The following PTPRC variants were observed in gnomAD, a reference collection of about 807,000 sequenced individuals.
PTPRC encodes the protein receptor-type tyrosine-protein phosphatase C.
A neutral mutation model predicts 155.9 loss-of-function variants in PTPRC; 44 were observed. That is an observed-to-expected ratio of 0.28 (90% CI 0.22 to 0.36). The LOEUF (loss-of-function observed/expected upper bound fraction) is 0.36. Among genes scored for constraint, PTPRC ranks in the 10% least tolerant of loss-of-function variants. PTPRC has a pLI of 1.00. For missense variants in PTPRC, 1,401 were observed against 1,564.6 expected (o/e 0.90, Z 1.76); for synonymous variants, 525 against 533.1 (o/e 0.98, Z 0.21).
At chr1:198,693,942 A>G (rs563055651) in intron 3 of PTPRC, 1 of 1,475,518 alleles carries the variant, frequency 6.8e-7, no homozygotes, top group South Asian at 1.4e-5. Context: ...GAGGGACAGA[A>G]CTAATAGGTT....
intron 2 of PTPRC, among the ~76,000 whole-genome samples, chr1:198,667,215 T>C (rs2102278485): frequency 6.6e-6 from 1 of 152,348 alleles, no homozygotes; most frequent in South Asian, 2.1e-4. Flanking sequence ...TCTACACTTA[T>C]TGGCCAGAAA....
At chr1:198,752,975 T>A (rs1023707354) in intron 31 of PTPRC, among the ~76,000 whole-genome samples, 1 of 152,046 alleles carries the variant, frequency 6.6e-6, no homozygotes, top group East Asian at 1.9e-4. Flanking sequence ...AGTGCAATAA[T>A]TTTAAGTTGT....
chr1:198,718,433 A>AAAG (rs1653710463), intron 14 of PTPRC, 131 bp downstream of exon 14: 2 of 796,346 alleles, frequency 2.5e-6, no homozygotes, highest in Non-Finnish European at 4.1e-6. Flanking sequence ...AATCACACTT[A>AAAG]AAGAGTCTCA....
At chr1:198,699,519 C>T in intron 4 of PTPRC, 45 bp from the exon 5 acceptor site, 2 of 1,611,636 alleles carry the variant, frequency 1.2e-6, no homozygotes, top group South Asian at 2.2e-5. Context: ...TTATTCATCT[C>T]CAGTGGGGGA....
intron 2 of PTPRC, among the ~76,000 whole-genome samples, chr1:198,672,570 A>G (rs1028944856): frequency 6.6e-6 from 1 of 151,910 alleles, no homozygotes; most frequent in Non-Finnish European, 1.5e-5. Flanking sequence ...CCAGGGTTCA[A>G]GCGACTCTCC....
intron 14 of PTPRC, among the ~76,000 whole-genome samples, chr1:198,722,087 T>C (rs1200421188): frequency 6.6e-6 from 1 of 151,142 alleles, no homozygotes; most frequent in African/African-American, 2.4e-5. Flanking sequence ...AGCCTATTAA[T>C]AGGGAATTTT....
chr1:198,740,115 G>T (rs1421633926), intron 23 of PTPRC, among the ~76,000 whole-genome samples: 3 of 150,998 alleles, frequency 2.0e-5, no homozygotes, highest in Non-Finnish European at 3.0e-5. Context: ...CATTAAAAAA[G>T]AAAAATTTCA....
At position 198,749,476 on chromosome 1, in the gene PTPRC, A is replaced by T. The variant is rs1485162890; in HGVS notation, c.2999A>T (p.Asp1000Val). The change falls in exon 28 of 33, where the codon GAT (aspartate) becomes GTT (valine). Residue 1000 changes from aspartate (D) to valine (V), a missense_variant. Asp to Val is a radical substitution (Grantham distance 152, BLOSUM62 -3). Coordinates refer to ENST00000442510, the MANE Select transcript of PTPRC (RefSeq NM_002838.5). ...GAAATGAGTAAAGAGAGTGAGCATG[A>T]TTCAGATGAATCCTCTGATGATGAC... ...ELEMSKESEH[D>V]SDESSDDDSD... The T allele has an allele frequency of 6.8e-6, 11 of 1,608,716 alleles. No homozygotes were observed. The East Asian group carries it at 1.8e-4, about 26-fold the overall frequency.
In PTPRC at chr1:198,709,799, T is replaced by C; in HGVS notation, c.1146T>C (p.Ser382=). The change falls in exon 11 of 33, where the codon AGT becomes AGC. Residue 382 remains serine, a synonymous_variant. Transcript: ENST00000442510. ...LYNNHKFTNA[S]KIIKTDFGSP... is the part of the protein sequence containing the mutation. The stretch of plus-strand genomic sequence containing the variant: ...ATAACCACAAGTTTACTAACGCAAG[T>C]AAAATTATTAAAACAGATTTTGGGA... 1 of 1,612,594 alleles carries C rather than the reference T, an allele frequency of 6.2e-7. No individual in the cohort carries two copies. The highest frequency in any genetic ancestry group is 1.3e-5 in the African/African-American group (1 of 75,030).
chr1:198,713,521 G>T (rs928170021), intron 12 of PTPRC, among the ~76,000 whole-genome samples: 1 of 152,004 alleles, frequency 6.6e-6, no homozygotes, highest in Non-Finnish European at 1.5e-5. Flanking sequence ...CCATGTAGCC[G>T]CTGGGGCCAG....
intron 2 of PTPRC, among the ~76,000 whole-genome samples, chr1:198,690,326 C>A (rs1665859808): frequency 6.6e-6 from 1 of 151,324 alleles, no homozygotes; most frequent in East Asian, 1.9e-4. Flanking sequence ...CTGTAATTTA[C>A]AAGGAAATAA....
chr1:198,746,140 A>G (rs1450390515), intron 26 of PTPRC, among the ~76,000 whole-genome samples: 1 of 151,864 alleles, frequency 6.6e-6, no homozygotes, highest in East Asian at 1.9e-4. Context: ...AAATGATGAC[A>G]GACCTTGGAA....
Position 198,756,300 on chromosome 1 carries a change from G to A in PTPRC, c.*119G>A, listed in dbSNP as rs1002064093. 1 of 1,299,952 alleles carries A rather than the reference G, an allele frequency of 7.7e-7. No homozygotes were observed. Among genetic ancestry groups the A allele is most frequent in the Non-Finnish European group, 1.1e-6 (1 of 929,624 alleles). 80.5% of individuals were successfully genotyped at this position (1,299,952 alleles called of 1,614,324 possible). A position where few individuals can be genotyped will look rare whatever the true frequency, so the allele number is the denominator to read the frequency against. On this transcript the variant is annotated 3_prime_UTR_variant, in exon 33 of 33. Coordinates refer to ENST00000442510, the MANE Select transcript of PTPRC (RefSeq NM_002838.5). ...AATTAAATGCAGCGAACCAATATTT[G>A]TAGAAGGGTTATATTTTACTACTGT...
chr1:198,646,552 G>A (rs1662947151), intron 2 of PTPRC, among the ~76,000 whole-genome samples: 1 of 151,636 alleles, frequency 6.6e-6, no homozygotes, highest in Non-Finnish European at 1.5e-5. Flanking sequence ...CTTAAATCGG[G>A]CAATATTAAC....
intron 2 of PTPRC, among the ~76,000 whole-genome samples, chr1:198,661,811 T>C (rs1475657685): frequency 3.3e-5 from 5 of 152,218 alleles, no homozygotes; most frequent in African/African-American, 1.2e-4. Flanking sequence ...ATTTATTGTA[T>C]TTTCATCTAT....
At chr1:198,645,035 A>G (rs938237733) in intron 2 of PTPRC, among the ~76,000 whole-genome samples, 1 of 151,848 alleles carries the variant, frequency 6.6e-6, no homozygotes, top group African/African-American at 2.4e-5. Context: ...CAAAATTTGC[A>G]TACCTGGAAG....
chr1:198,702,635 T>C, intron 6 of PTPRC, 105 bp downstream of exon 6: 1 of 1,490,146 alleles, frequency 6.7e-7, no homozygotes, highest in Non-Finnish European at 9.3e-7. Context: ...TATTTGTAGG[T>C]TTCCCATTTT....
chr1:198,673,844 G>A (rs1464385857), intron 2 of PTPRC, among the ~76,000 whole-genome samples: 1 of 152,080 alleles, frequency 6.6e-6, no homozygotes, highest in Non-Finnish European at 1.5e-5. Flanking sequence ...CTTGTATGTT[G>A]TAGAAAGCTA....
chr1:198,664,109 A>G (rs527603576), intron 2 of PTPRC, among the ~76,000 whole-genome samples: 1 of 152,110 alleles, frequency 6.6e-6, no homozygotes, highest in Non-Finnish European at 1.5e-5. Flanking sequence ...TATAATTTTT[A>G]TATATCAAAT....
Sources: gnomAD v4.1 joint callset for allele counts (sites outside exome capture counted in the v4.1 genomes callset) on GRCh38, gnomAD v4.1.1 for gene constraint, MANE v1.5 for transcripts, NCBI Gene and HGNC (gene_info 2026-07-23, HGNC 2026-07-21) for gene names.